Variants in MARCHF4 observed in about 807,000 individuals in gnomAD.
MARCHF4 encodes membrane associated ring-CH-type finger 4.
A neutral mutation model predicts 43.9 loss-of-function variants in MARCHF4; 14 were observed. That is an observed-to-expected ratio of 0.32 (90% CI 0.21 to 0.50). The LOEUF (loss-of-function observed/expected upper bound fraction) is 0.50. Ranked by LOEUF, MARCHF4 falls within the 20% of genes least tolerant of loss-of-function variation. MARCHF4 has a pLI of 0.98. For missense variants in MARCHF4, 468 were observed against 536.7 expected (o/e 0.87, Z 1.27); for synonymous variants, 226 against 213.3 (o/e 1.06, Z -0.52).
At chr2:216,278,770 C>A (rs1329957089) in intron 2 of MARCHF4, among the ~76,000 whole-genome samples, 3 of 152,086 alleles carry the variant, frequency 2.0e-5, no homozygotes, top group Non-Finnish European at 4.4e-5. Flanking sequence ...CATTTTTTAA[C>A]AGAAAAAGCC....
At chr2:216,350,544 C>A (rs1446331883) in intron 1 of MARCHF4, among the ~76,000 whole-genome samples, 1 of 151,870 alleles carries the variant, frequency 6.6e-6, no homozygotes, top group Non-Finnish European at 1.5e-5. Flanking sequence ...CTGTGCCACA[C>A]CACCACACTG....
chr2:216,348,454 C>G (rs530803829), intron 1 of MARCHF4, among the ~76,000 whole-genome samples: 7 of 152,226 alleles, frequency 4.6e-5, no homozygotes, highest in African/African-American at 1.7e-4. Flanking sequence ...CCCACCAAAA[C>G]CAAGAAGGTG....
chr2:216,280,638 G>C (rs1159642195), intron 2 of MARCHF4, among the ~76,000 whole-genome samples: 1 of 152,164 alleles, frequency 6.6e-6, no homozygotes, highest in African/African-American at 2.4e-5. Flanking sequence ...TCCCAAACGT[G>C]CCTGTGCAGA....
At chr2:216,333,039 A>G (rs1455664118) in intron 1 of MARCHF4, among the ~76,000 whole-genome samples, 2 of 152,260 alleles carry the variant, frequency 1.3e-5, no homozygotes, top group African/African-American at 4.8e-5. Flanking sequence ...TGTGAAAGGA[A>G]AATCCATAAC....
chr2:216,327,088 T>C (rs576038577), intron 1 of MARCHF4, among the ~76,000 whole-genome samples: 3 of 152,200 alleles, frequency 2.0e-5, no homozygotes, highest in Admixed American at 1.3e-4. Context: ...AAGTGACTGA[T>C]ACAGGTTAGA....
intron 1 of MARCHF4, among the ~76,000 whole-genome samples, chr2:216,339,348 C>T (rs1692205330): frequency 6.6e-6 from 1 of 152,228 alleles, no homozygotes; most frequent in South Asian, 2.1e-4. Context: ...CCATGGTCCT[C>T]TCTCCTCCAT....
chr2:216,333,806 A>G (rs887838866), intron 1 of MARCHF4, among the ~76,000 whole-genome samples: 22 of 152,154 alleles, frequency 1.4e-4, no homozygotes, highest in African/African-American at 1.4e-4. Flanking sequence ...ACCCGTCCCT[A>G]GGACACATCT....
At chr2:216,260,316 C>T (rs537625582) in intron 3 of MARCHF4, among the ~76,000 whole-genome samples, 79 of 152,372 alleles carry the variant, frequency 5.2e-4, no homozygotes, top group African/African-American at 1.8e-3. Context: ...TGAGAGCTTA[C>T]ATCTTCATGG....
intron 1 of MARCHF4, among the ~76,000 whole-genome samples, chr2:216,288,833 A>G (rs389577): frequency 6.6e-6 from 1 of 151,776 alleles, no homozygotes; most frequent in Admixed American, 6.6e-5. Flanking sequence ...GACAATTAAG[A>G]AGCAGCAGAT....
At chr2:216,277,184 G>A (rs1165543959) in intron 3 of MARCHF4, among the ~76,000 whole-genome samples, 1 of 152,112 alleles carries the variant, frequency 6.6e-6, no homozygotes, top group Admixed American at 6.6e-5. Flanking sequence ...AAAACCACTG[G>A]ACTAGAGAAA....
Position 216,277,831 on chromosome 2 carries a change from C to A in MARCHF4, c.706G>T (p.Val236Phe). 6.2e-7 allele frequency: 1 copy of A among 1,613,750 alleles called. No homozygotes were observed. The highest frequency in any genetic ancestry group is 8.5e-7 in the Non-Finnish European group (1 of 1,179,688). The part of the protein sequence containing the change: ...QAISLTVIEK[V>F]QVAAAILGSL... Reference sequence around the variant, plus strand: ...CCCAGGATGGCGGCTGCAACCTGAACCTTCTCAATGACCGTCAGAGAGATG... The same window carrying A: ...CCCAGGATGGCGGCTGCAACCTGAAACTTCTCAATGACCGTCAGAGAGATG... Residue 236 changes from valine (V) to phenylalanine (F), a missense_variant, in exon 3 of 4, where the codon GTT (valine) becomes TTT (phenylalanine). Coordinates refer to ENST00000273067, the MANE Select transcript of MARCHF4 (RefSeq NM_020814.3).
intron 1 of MARCHF4, among the ~76,000 whole-genome samples, chr2:216,320,639 CTTT>C (rs1691868713): frequency 2.5e-5 from 3 of 119,706 alleles, no homozygotes; most frequent in Non-Finnish European, 5.1e-5. Flanking sequence ...TTCTTTCTTT[CTTT>C]CTTTCTTTCT....
chr2:216,370,295 G>T lies in MARCHF4; in HGVS notation c.-35C>A, dbSNP rs759494062. 6.5e-7 allele frequency: 1 copy of T among 1,544,724 alleles called. No homozygotes were observed. On this transcript the variant is annotated 5_prime_UTR_variant, in exon 1 of 4. Transcript: ENST00000273067. ...GGAAGTAGAGAGCCCAAGAGGGGTGGCTGGAGTCTTAAAAGAGGGGGACAG... is the reference window on the plus strand; with the variant it reads ...GGAAGTAGAGAGCCCAAGAGGGGTGTCTGGAGTCTTAAAAGAGGGGGACAG...
chr2:216,341,801 G>A (rs1692241552), intron 1 of MARCHF4, among the ~76,000 whole-genome samples: 1 of 152,192 alleles, frequency 6.6e-6, no homozygotes, highest in South Asian at 2.1e-4. Context: ...CCCTTTAGGT[G>A]CTGAATCCTA....
intron 1 of MARCHF4, among the ~76,000 whole-genome samples, chr2:216,287,694 C>T (rs565742207): frequency 8.0e-5 from 12 of 150,386 alleles, no homozygotes; most frequent in East Asian, 2.0e-4. Flanking sequence ...TGCTAAACGA[C>T]GAGTTAATGG....
intron 1 of MARCHF4, among the ~76,000 whole-genome samples, chr2:216,347,083 A>G (rs1211669454): frequency 2.0e-5 from 3 of 152,270 alleles, no homozygotes; most frequent in South Asian, 4.1e-4. Flanking sequence ...CAGTTTCCTG[A>G]GGCCTCCTCA....
Position 216,369,886 on chromosome 2 carries a change from C to T in MARCHF4, c.375G>A (p.Glu125=). Residue 125 remains glutamate (E), a synonymous_variant, in exon 1 of 4, where the codon GAG becomes GAA. Transcript: ENST00000273067. The part of the protein sequence containing the change: ...VEDDWGGPAT[E]PPASLLSSAS... Reference sequence around the variant, plus strand: ...CACTGCTGAGCAGCGAGGCAGGTGGCTCTGTGGCTGGGCCACCCCAGTCAT... The same window carrying T: ...CACTGCTGAGCAGCGAGGCAGGTGGTTCTGTGGCTGGGCCACCCCAGTCAT... The T allele has an allele frequency of 6.2e-7, 1 of 1,613,908 alleles. No individual in the cohort carries two copies. The highest frequency in any genetic ancestry group is 8.5e-7 in the Non-Finnish European group (1 of 1,179,992).
intron 3 of MARCHF4, among the ~76,000 whole-genome samples, chr2:216,261,119 A>G (rs1008356196): frequency 6.6e-6 from 1 of 152,036 alleles, no homozygotes; most frequent in African/African-American, 2.4e-5. Context: ...TTCATTTCCT[A>G]TTGCTGCAGT....
intron 1 of MARCHF4, among the ~76,000 whole-genome samples, chr2:216,329,702 C>A (rs367731907): frequency 6.7e-6 from 1 of 150,344 alleles, no homozygotes; most frequent in Admixed American, 6.7e-5. Context: ...TAAATGTAAA[C>A]GGACTACTTC....
Sources: allele counts gnomAD v4.1 joint callset (sites outside exome capture counted in the v4.1 genomes callset), GRCh38; gene constraint gnomAD v4.1.1; transcripts MANE v1.5; gene names NCBI Gene and HGNC (gene_info 2026-07-23, HGNC 2026-07-21).